KCTD8: variants seen among roughly 807,000 people sequenced by gnomAD.
KCTD8 encodes potassium channel tetramerization domain containing 8, also known as BTB/POZ domain-containing protein KCTD8.
In KCTD8, 27 loss-of-function variants were observed where a neutral mutation model predicts 31.5. That is an observed-to-expected ratio of 0.86 (90% CI 0.63 to 1.18). The LOEUF (loss-of-function observed/expected upper bound fraction) is 1.18. KCTD8 is among the 50% of genes most tolerant of loss of function. The pLI is 0.00. For missense variants in KCTD8, 658 were observed against 647.7 expected (o/e 1.02, Z -0.17); for synonymous variants, 290 against 280.0 (o/e 1.04, Z -0.36).
rs1490086103 is a variant in KCTD8 at position 44,235,575 on chromosome 4, A to C, written c.962-60325T>G. Among the ~76,000 whole-genome samples the C allele has an allele frequency of 4.3e-5, 3 of 69,334 alleles. No individual in the cohort carries two copies. In the South Asian group the frequency reaches 1.5e-3, roughly 36 times the overall value. 45.5% of individuals were successfully genotyped at this position (69,334 alleles called of 152,430 possible). A position where few individuals can be genotyped will look rare whatever the true frequency, so the allele number is the denominator to read the frequency against. On this transcript the variant is annotated intron_variant, in intron 1 of 1. Coordinates refer to ENST00000360029, the MANE Select transcript of KCTD8 (RefSeq NM_198353.3). Reference sequence around the variant, plus strand: ...TATATATATATATATATATATATATATTTAGAGAGAGAGAGAGAGAGAGAG... The same window carrying C: ...TATATATATATATATATATATATATCTTTAGAGAGAGAGAGAGAGAGAGAG...
intron 1 of KCTD8, among the ~76,000 whole-genome samples, chr4:44,363,647 A>G (rs955681757): frequency 1.3e-5 from 2 of 152,288 alleles, no homozygotes; most frequent in Non-Finnish European, 2.9e-5. Flanking sequence ...ATTAAGCAAC[A>G]TGGAAGTGTT....
intron 1 of KCTD8, among the ~76,000 whole-genome samples, chr4:44,291,355 T>C (rs1241447344): frequency 6.6e-6 from 1 of 152,008 alleles, no homozygotes; most frequent in Non-Finnish European, 1.5e-5. Flanking sequence ...GATTTGATTT[T>C]CCAAAAAATT....
chr4:44,343,342 G>C (rs561919241), intron 1 of KCTD8, among the ~76,000 whole-genome samples: 1 of 152,294 alleles, frequency 6.6e-6, no homozygotes, highest in Non-Finnish European at 1.5e-5. Flanking sequence ...ACAGCAGTTA[G>C]AATACACACA....
At chr4:44,411,226 T>C (rs553381712) in intron 1 of KCTD8, among the ~76,000 whole-genome samples, 1 of 151,622 alleles carries the variant, frequency 6.6e-6, no homozygotes, top group African/African-American at 2.4e-5. Flanking sequence ...CTACAAAAAG[T>C]AGTTAACCAG....
intron 1 of KCTD8, among the ~76,000 whole-genome samples, chr4:44,317,472 C>T (rs1471647534): frequency 2.1e-5 from 3 of 140,284 alleles, no homozygotes; most frequent in Non-Finnish European, 4.4e-5. Flanking sequence ...ATCTCCTGAC[C>T]TCATGATCCA....
intron 1 of KCTD8, among the ~76,000 whole-genome samples, chr4:44,261,537 G>C (rs768600798): frequency 3.3e-5 from 5 of 151,812 alleles, no homozygotes; most frequent in Non-Finnish European, 2.9e-5. Flanking sequence ...TAGATTCCCA[G>C]AACTTATTCT....
chr4:44,310,205 G>A (rs911648098), intron 1 of KCTD8, among the ~76,000 whole-genome samples: 1 of 152,048 alleles, frequency 6.6e-6, no homozygotes, highest in East Asian at 1.9e-4. Flanking sequence ...GTATTCCAGT[G>A]ATATATGTAA....
At chr4:44,435,129 G>A (rs1272868578) in intron 1 of KCTD8, among the ~76,000 whole-genome samples, 2 of 151,748 alleles carry the variant, frequency 1.3e-5, no homozygotes, top group East Asian at 1.9e-4. Flanking sequence ...TTTTTACTTC[G>A]AAGCAATTTA....
intron 1 of KCTD8, among the ~76,000 whole-genome samples, chr4:44,280,792 G>A (rs1716885119): frequency 6.6e-6 from 1 of 151,966 alleles, no homozygotes; most frequent in South Asian, 2.1e-4. Flanking sequence ...CTATTGAGAT[G>A]GTATTCTTGG....
chr4:44,194,326 T>G (rs916670548), intron 1 of KCTD8, among the ~76,000 whole-genome samples: 1 of 152,194 alleles, frequency 6.6e-6, no homozygotes, highest in Non-Finnish European at 1.5e-5. Context: ...TCTTCTTTTC[T>G]GACATTAAAG....
chr4:44,240,932 A>G (rs781036129), intron 1 of KCTD8, among the ~76,000 whole-genome samples: 4 of 152,222 alleles, frequency 2.6e-5, no homozygotes, highest in Admixed American at 6.5e-5. Context: ...GGAAAACGTG[A>G]CATAAGGTCC....
At chr4:44,236,118 C>T (rs188925102) in intron 1 of KCTD8, among the ~76,000 whole-genome samples, 31 of 152,220 alleles carry the variant, frequency 2.0e-4, no homozygotes, top group Non-Finnish European at 3.4e-4. Flanking sequence ...GCAGGGGCAC[C>T]GGTCACAGCT....
chr4:44,302,644 T>A (rs554842477), intron 1 of KCTD8, among the ~76,000 whole-genome samples: 46 of 152,118 alleles, frequency 3.0e-4, no homozygotes, highest in Admixed American at 9.8e-4. Context: ...TTTCTAGATA[T>A]ACAATCATGT....
At chr4:44,359,937 A>C (rs1208852261) in intron 1 of KCTD8, among the ~76,000 whole-genome samples, 12 of 152,178 alleles carry the variant, frequency 7.9e-5, no homozygotes, top group Non-Finnish European at 2.9e-5. Context: ...AAAATAAGGG[A>C]CATTATTTCA....
chr4:44,269,895 A>G (rs1343565499), intron 1 of KCTD8, among the ~76,000 whole-genome samples: 47 of 152,222 alleles, frequency 3.1e-4, no homozygotes, highest in Middle Eastern at 3.4e-3. Context: ...GAAACAACAC[A>G]TGCTGGAGAG....
intron 1 of KCTD8, among the ~76,000 whole-genome samples, chr4:44,354,385 A>T (rs1424388792): frequency 6.6e-6 from 1 of 152,126 alleles, no homozygotes; most frequent in Non-Finnish European, 1.5e-5. Context: ...TCTTCCCTAA[A>T]TATAGCACAA....
chr4:44,361,972 A>G (rs952481892), intron 1 of KCTD8, among the ~76,000 whole-genome samples: 14 of 152,142 alleles, frequency 9.2e-5, no homozygotes, highest in African/African-American at 3.4e-4. Context: ...CTCAGAAAGA[A>G]AAAGGGTCAT....
chr4:44,334,998 TA>T (rs1718686338), intron 1 of KCTD8, among the ~76,000 whole-genome samples: 1 of 152,020 alleles, frequency 6.6e-6, no homozygotes, highest in South Asian at 2.1e-4. Flanking sequence ...GAAAAGAACA[TA>T]AAAATATGGT....
intron 1 of KCTD8, among the ~76,000 whole-genome samples, chr4:44,404,079 C>A (rs1477949785): frequency 2.6e-5 from 4 of 152,116 alleles, no homozygotes; most frequent in African/African-American, 9.7e-5. Context: ...TTCTTAGATT[C>A]AATGGCTTTA....
Sources: gnomAD v4.1 joint callset for allele counts (sites outside exome capture counted in the v4.1 genomes callset) on GRCh38, gnomAD v4.1.1 for gene constraint, MANE v1.5 for transcripts, NCBI Gene and HGNC (gene_info 2026-07-23, HGNC 2026-07-21) for gene names.